Variants in UBE2D3 observed in about 807,000 individuals in gnomAD.
UBE2D3 encodes ubiquitin conjugating enzyme E2 D3.
Under a neutral mutation model 22.8 loss-of-function variants are expected in UBE2D3, and 2 were observed. That is an observed-to-expected ratio of 0.09 (90% CI 0.04 to 0.28). The LOEUF (loss-of-function observed/expected upper bound fraction) is 0.28. Ranked by LOEUF, UBE2D3 falls within the 10% of genes least tolerant of loss-of-function variation. The probability of loss-of-function intolerance (pLI) is 1.00; values close to 1 mark genes in which losing one functional copy is unlikely to be tolerated. For missense variants in UBE2D3, 27 were observed against 182.5 expected (o/e 0.15, Z 4.91); for synonymous variants, 56 against 60.4 (o/e 0.93, Z 0.34).
intron 1 of UBE2D3, among the ~76,000 whole-genome samples, chr4:102,851,179 A>G (rs1239012017): frequency 6.6e-6 from 1 of 152,220 alleles, no homozygotes; most frequent in Non-Finnish European, 1.5e-5. Flanking sequence ...CATCTTTGCA[A>G]TGTGCTTTTG....
chr4:102,864,258 T>C (rs1443899866), intron 1 of UBE2D3, among the ~76,000 whole-genome samples: 1 of 119,860 alleles, frequency 8.3e-6, no homozygotes, highest in African/African-American at 3.5e-5. Context: ...TATAATGCTG[T>C]ATGTAATTCC....
chr4:102,815,419 A>G (rs1055913566), intron 2 of UBE2D3, among the ~76,000 whole-genome samples: 9 of 152,224 alleles, frequency 5.9e-5, no homozygotes, highest in African/African-American at 1.9e-4. Flanking sequence ...ACAATACCCA[A>G]TAATGTTGGA....
chr4:102,811,027 C>G (rs567626983), intron 2 of UBE2D3: 1 of 150,130 alleles, frequency 6.7e-6, no homozygotes, highest in East Asian at 2.0e-4. Context: ...GGAAATAACA[C>G]AGAAGGGTAA....
At chr4:102,851,463 G>T (rs75509779) in intron 1 of UBE2D3, among the ~76,000 whole-genome samples, 1,813 of 152,314 alleles carry the variant, frequency 0.012, 21 homozygotes, top group African/African-American at 0.036. Context: ...TGGTGAGAGA[G>T]AATAAATCAT....
Position 102,798,146 on chromosome 4 carries a change from T to C in UBE2D3, c.399-686A>G, listed in dbSNP as rs551620831. On this transcript the variant is annotated intron_variant, in intron 7 of 7. Coordinates refer to ENST00000453744, the MANE Select transcript of UBE2D3 (RefSeq NM_181891.3). ...ATCTTCGTTTAAAAAGATCAACAGG[T>C]AATTCACACACAAGCAAGGTTATTA... Among the ~76,000 whole-genome samples, 11 of 151,436 alleles carry C rather than the reference T, an allele frequency of 7.3e-5. No homozygotes were observed. In the South Asian group the frequency reaches 2.1e-3, roughly 29 times the overall value.
chr4:102,866,458 G>A (rs990022513), intron 1 of UBE2D3, among the ~76,000 whole-genome samples: 5 of 152,152 alleles, frequency 3.3e-5, no homozygotes, highest in African/African-American at 7.2e-5. Flanking sequence ...TGGAAGGGTC[G>A]CTTTTTAAAA....
At chr4:102,860,679 C>A (rs1732853957) in intron 1 of UBE2D3, among the ~76,000 whole-genome samples, 1 of 151,910 alleles carries the variant, frequency 6.6e-6, no homozygotes, top group South Asian at 2.1e-4. Context: ...GTGCTGAGAA[C>A]CTCCTTTTAT....
chr4:102,866,157 T>C (rs1733136054), intron 1 of UBE2D3, among the ~76,000 whole-genome samples: 2 of 152,220 alleles, frequency 1.3e-5, no homozygotes, highest in South Asian at 4.1e-4. Context: ...TTGGTGGAGT[T>C]AGGAATTATC....
At chr4:102,839,773 A>C (rs985240331) in intron 1 of UBE2D3, among the ~76,000 whole-genome samples, 2 of 152,236 alleles carry the variant, frequency 1.3e-5, no homozygotes, top group Non-Finnish European at 2.9e-5. Context: ...AAAAGCACAA[A>C]CAGCAAAGAC....
intron 1 of UBE2D3, among the ~76,000 whole-genome samples, chr4:102,855,159 G>C (rs567110982): frequency 6.6e-6 from 1 of 152,312 alleles, no homozygotes; most frequent in African/African-American, 2.4e-5. Flanking sequence ...CAAAGAGAGA[G>C]CATCAGTTCT....
chr4:102,825,884 C>A, intron 2 of UBE2D3: 1 of 426,596 alleles, frequency 2.3e-6, no homozygotes, highest in South Asian at 1.7e-5. Flanking sequence ...AGTGGCAACA[C>A]TGTGTCATTC....
At chr4:102,827,270 C>T (rs1730710695) in intron 1 of UBE2D3, 157 bp downstream of exon 1, 1 of 952,926 alleles carries the variant, frequency 1.0e-6, no homozygotes, top group Non-Finnish European at 1.2e-6. Context: ...CCTCCTCCAG[C>T]AGGAGAGGCC....
chr4:102,820,424 T>C (rs922487011), intron 2 of UBE2D3, among the ~76,000 whole-genome samples: 3 of 152,328 alleles, frequency 2.0e-5, no homozygotes, highest in Non-Finnish European at 4.4e-5. Flanking sequence ...TGAGAAATCC[T>C]TTTTTATCTT....
chr4:102,845,747 T>G (rs1426419057), intron 1 of UBE2D3, among the ~76,000 whole-genome samples: 1 of 152,196 alleles, frequency 6.6e-6, no homozygotes, highest in African/African-American at 2.4e-5. Context: ...CTCCTTTGAC[T>G]TATTTTGGTA....
chr4:102,837,068 G>A (rs1368961726), intron 1 of UBE2D3: 1 of 152,180 alleles, frequency 6.6e-6, no homozygotes, highest in African/African-American at 2.4e-5. Context: ...GGTGAAACCT[G>A]CTAGACAGAT....
At chr4:102,810,012 T>C in intron 2 of UBE2D3, 157 bp from the exon 3 acceptor site, 1 of 674,952 alleles carries the variant, frequency 1.5e-6, no homozygotes, top group East Asian at 2.7e-5. Flanking sequence ...AGAACATGCC[T>C]GAACATATGC....
intron 1 of UBE2D3, among the ~76,000 whole-genome samples, chr4:102,853,190 T>TGGAGTGCAGTGGCGGGATCTC: frequency 7.7e-6 from 1 of 130,046 alleles, no homozygotes; most frequent in Non-Finnish European, 1.6e-5. Context: ...TCGCCCAGGC[T>TGGAGTGCAGTGGCGGGATCTC]GGAGTGCAGT....
intron 7 of UBE2D3, among the ~76,000 whole-genome samples, chr4:102,798,279 AATATATAT>A (rs10526258): frequency 3.6e-5 from 4 of 111,860 alleles, no homozygotes; most frequent in African/African-American, 1.6e-4. Flanking sequence ...TTAAGAAATG[AATATATAT>A]ATATATATAT....
chr4:102,819,562 T>G, intron 2 of UBE2D3: 1 of 985,396 alleles, frequency 1.0e-6, no homozygotes, highest in Non-Finnish European at 1.2e-6. Context: ...AACAAGGTTT[T>G]AAGTGTCAAC....
Sources: allele counts gnomAD v4.1 joint callset (sites outside exome capture counted in the v4.1 genomes callset), GRCh38; gene constraint gnomAD v4.1.1; transcripts MANE v1.5; gene names NCBI Gene and HGNC (gene_info 2026-07-23, HGNC 2026-07-21).